The following PCDH11X variants were observed in gnomAD, a reference collection of about 807,000 sequenced individuals.
PCDH11X encodes the protein protocadherin 11 X-linked, also known as protocadherin-11 X-linked.
In PCDH11X, 18 loss-of-function variants were observed where a neutral mutation model predicts 53.3. That is an observed-to-expected ratio of 0.34 (90% confidence interval 0.23 to 0.50). The LOEUF is 0.50. Ranked by LOEUF, PCDH11X falls within the 20% of genes least tolerant of loss-of-function variation. The pLI is 0.98. For missense variants in PCDH11X, 570 were observed against 1,032.4 expected, an observed-to-expected ratio of 0.55 and a Z score of 6.14; for synonymous variants, 279 against 393.3, an observed-to-expected ratio of 0.71 and a Z score of 3.44.
At chrX:92,128,936 T>A (rs1235773911) in intron 6 of PCDH11X, among the ~76,000 whole-genome samples, 4 of 109,568 alleles carry the variant, frequency 3.7e-5, no homozygotes, top group Non-Finnish European at 7.5e-5. Context: ...TTATAATTAT[T>A]ATAATTTTCA....
Position 92,222,836 on chromosome X carries a change from C to T in PCDH11X, c.3114+21381C>T, listed in dbSNP as rs191747318. ...TCAAAGAGCTACCATATTTTTCATTCTAAATTCCAGCCCTGATGTATGGAT... is the reference window on the plus strand; with the variant it reads ...TCAAAGAGCTACCATATTTTTCATTTTAAATTCCAGCCCTGATGTATGGAT... On this transcript the variant is annotated intron_variant, in intron 7 of 10. Transcript: ENST00000682573. Among the ~76,000 whole-genome samples the T allele has an allele frequency of 1.6e-4, 18 of 111,913 alleles. No individual in the cohort carries two copies. In the East Asian group the frequency reaches 4.8e-3, roughly 30 times the overall value.
At chrX:92,109,465 C>T (rs141940876) in intron 6 of PCDH11X, among the ~76,000 whole-genome samples, 41 of 110,418 alleles carry the variant, frequency 3.7e-4, no homozygotes, top group African/African-American at 1.3e-3. Context: ...ATAGAGGGGT[C>T]GAAGTGAGGT....
chrX:92,218,727 T>C (rs769883790), intron 7 of PCDH11X, among the ~76,000 whole-genome samples: 2 of 111,364 alleles, frequency 1.8e-5, no homozygotes, highest in Non-Finnish European at 3.8e-5. Context: ...TACCAAAGCC[T>C]GACAGAGACA....
intron 10 of PCDH11X, among the ~76,000 whole-genome samples, chrX:92,581,366 T>C (rs1413965162): frequency 9.0e-6 from 1 of 111,300 alleles, no homozygotes; most frequent in African/African-American, 3.3e-5. Context: ...AGTGACCCAG[T>C]GTAGGATAAT....
chrX:92,138,303 G>A (rs1261157171), intron 6 of PCDH11X, among the ~76,000 whole-genome samples: 1 of 110,549 alleles, frequency 9.0e-6, no homozygotes, highest in East Asian at 2.8e-4. Context: ...TGTGAATAGT[G>A]CTGAAAGCAT....
At chrX:92,345,646 T>C (rs762804267) in intron 8 of PCDH11X, among the ~76,000 whole-genome samples, 1 of 111,594 alleles carries the variant, frequency 9.0e-6, no homozygotes, top group African/African-American at 3.2e-5. Context: ...TCAGAAGAAA[T>C]CTCAAAAAAA....
intron 10 of PCDH11X, among the ~76,000 whole-genome samples, chrX:92,475,164 CAAAAAAAAAAAAAA>C (rs761171281): frequency 6.5e-5 from 2 of 30,541 alleles, no homozygotes; most frequent in Admixed American, 9.6e-4. Context: ...GACTCCGTCT[CAAAAAAAAAAAAAA>C]AAAAAAAAAA....
chrX:91,929,541 A>T (rs1205409802), intron 6 of PCDH11X, among the ~76,000 whole-genome samples: 3 of 111,037 alleles, frequency 2.7e-5, no homozygotes, highest in African/African-American at 9.8e-5. Context: ...TAGCTCCAGG[A>T]ATTTTGTTTT....
chrX:92,211,124 C>A (rs1569422945), intron 7 of PCDH11X, among the ~76,000 whole-genome samples: 2 of 111,818 alleles, frequency 1.8e-5, no homozygotes, highest in Non-Finnish European at 3.8e-5. Context: ...TAAAGACATA[C>A]CTGAGGCTGG....
intron 6 of PCDH11X, among the ~76,000 whole-genome samples, chrX:92,005,130 C>G: frequency 9.0e-6 from 1 of 110,943 alleles, no homozygotes; most frequent in Non-Finnish European, 1.9e-5. Flanking sequence ...GTGGGTCTTG[C>G]TTCTTTATCC....
intron 6 of PCDH11X, among the ~76,000 whole-genome samples, chrX:91,930,515 G>GTA (rs1201813248): frequency 1.5e-4 from 15 of 100,719 alleles, no homozygotes; most frequent in Admixed American, 5.5e-4. Flanking sequence ...ATATATACAC[G>GTA]TATATATATA....
At chrX:91,875,366 T>C (rs2147724172) in intron 5 of PCDH11X, among the ~76,000 whole-genome samples, 1 of 99,141 alleles carries the variant, frequency 1.0e-5, no homozygotes, top group South Asian at 5.3e-4. Context: ...CACTGCAAGC[T>C]CCGCCTCTGG....
intron 8 of PCDH11X, among the ~76,000 whole-genome samples, chrX:92,319,062 C>T (rs1434275539): frequency 1.8e-5 from 2 of 112,218 alleles, no homozygotes; most frequent in Non-Finnish European, 3.8e-5. Context: ...ATTTTGCAAG[C>T]AGCCTCATTG....
At chrX:92,567,006 A>G (rs2148768831) in intron 10 of PCDH11X, among the ~76,000 whole-genome samples, 1 of 106,844 alleles carries the variant, frequency 9.4e-6, no homozygotes, top group South Asian at 4.3e-4. Flanking sequence ...TACCAGTACC[A>G]TGCTGTTTTG....
chrX:92,581,573 C>T (rs1445618548), intron 10 of PCDH11X, among the ~76,000 whole-genome samples: 1 of 111,958 alleles, frequency 8.9e-6, no homozygotes, highest in Non-Finnish European at 1.9e-5. Context: ...GTCCATTAAA[C>T]CTCTTTTTCT....
At chrX:92,081,711 A>AACAC (rs34848503) in intron 6 of PCDH11X, among the ~76,000 whole-genome samples, 35,404 of 100,423 alleles carry the variant, frequency 0.35, 5,801 homozygotes, top group Non-Finnish European at 0.49. Context: ...CTGAGCCAAT[A>AACAC]ACACACACAC....
At position 92,273,981 on chromosome X, in the gene PCDH11X, A is replaced by T. The variant is rs768624094; in HGVS notation, c.3144+10838A>T. 4.6e-5 allele frequency among the ~76,000 whole-genome samples: 5 copies of T among 108,923 alleles called. No individual in the cohort carries two copies. In the South Asian group the frequency reaches 2.0e-3, roughly 44 times the overall value. 94.6% of individuals were successfully genotyped at this position (108,923 alleles called of 115,157 possible). On this transcript the variant is annotated intron_variant, in intron 8 of 10. Coordinates refer to ENST00000682573, the MANE Select transcript of PCDH11X (RefSeq NM_032968.5). ...ATCAGCTGTGATGGCTTGGAGAAAC[A>T]GTGTAAACCGGCAGTGTCAACAAGA...
chrX:92,605,565 T>G (rs1926700698), intron 10 of PCDH11X, among the ~76,000 whole-genome samples: 2 of 112,113 alleles, frequency 1.8e-5, no homozygotes, highest in Admixed American at 9.5e-5. Context: ...GATATGAGTT[T>G]CTTATACAGA....
chrX:92,447,852 G>T (rs1482590398), intron 9 of PCDH11X, among the ~76,000 whole-genome samples: 3 of 112,370 alleles, frequency 2.7e-5, no homozygotes, highest in Admixed American at 9.4e-5. Flanking sequence ...GGTGTACCCT[G>T]CCAAGCCACA....
Sources: gnomAD v4.1 joint callset for allele counts (sites outside exome capture counted in the v4.1 genomes callset) on GRCh38, gnomAD v4.1.1 for gene constraint, MANE v1.5 for transcripts, NCBI Gene and HGNC (gene_info 2026-07-23, HGNC 2026-07-21) for gene names.